Variants in CNTLN observed in about 807,000 individuals in gnomAD.
CNTLN encodes the protein centlein, centrosomal protein.
A neutral mutation model predicts 180.0 loss-of-function variants in CNTLN; 212 were observed. The observed-to-expected ratio is 1.18, with a 90% CI of 1.05 to 1.32. CNTLN has a LOEUF of 1.32. CNTLN is among the 40% of genes most tolerant of loss of function. The probability of loss-of-function intolerance (pLI) is 0.00; values close to 1 mark genes in which losing one functional copy is unlikely to be tolerated. For missense variants in CNTLN, 2,095 were observed against 1,610.9 expected, an observed-to-expected ratio of 1.30 and a Z score of -5.14; for synonymous variants, 722 against 563.1, an observed-to-expected ratio of 1.28 and a Z score of -3.99.
intron 18 of CNTLN, among the ~76,000 whole-genome samples, chr9:17,435,335 T>C (rs975667827): frequency 2.0e-5 from 3 of 152,212 alleles, no homozygotes; most frequent in African/African-American, 4.8e-5. Flanking sequence ...TAATGCTTTC[T>C]GGACTTAGTT....
At chr9:17,205,367 A>G (rs1317975313) in intron 2 of CNTLN, among the ~76,000 whole-genome samples, 1 of 152,224 alleles carries the variant, frequency 6.6e-6, no homozygotes, top group Non-Finnish European at 1.5e-5. Context: ...TAATAAGCAA[A>G]TTGCATTGGG....
At chr9:17,255,812 T>A (rs1395815953) in intron 5 of CNTLN, among the ~76,000 whole-genome samples, 3 of 151,912 alleles carry the variant, frequency 2.0e-5, no homozygotes, top group African/African-American at 4.8e-5. Flanking sequence ...AGGTTTTTGA[T>A]TACTGATTCA....
chr9:17,410,967 A>T (rs1827801414), intron 16 of CNTLN, among the ~76,000 whole-genome samples: 1 of 152,176 alleles, frequency 6.6e-6, no homozygotes, highest in Admixed American at 6.5e-5. Flanking sequence ...GTTCATCAAG[A>T]GTCTCTTCTT....
At chr9:17,392,349 T>C (rs919176607) in intron 14 of CNTLN, among the ~76,000 whole-genome samples, 2 of 152,196 alleles carry the variant, frequency 1.3e-5, no homozygotes, top group African/African-American at 4.8e-5. Context: ...GAATTTAATA[T>C]GCAAAAGTAT....
chr9:17,243,647 A>G (rs1011567262), intron 5 of CNTLN, among the ~76,000 whole-genome samples: 1 of 152,064 alleles, frequency 6.6e-6, no homozygotes, highest in Non-Finnish European at 1.5e-5. Context: ...ACTTATTTCT[A>G]GTTTTATTCC....
intron 2 of CNTLN, among the ~76,000 whole-genome samples, chr9:17,173,550 A>AATT (rs1820540026): frequency 6.6e-6 from 1 of 152,124 alleles, no homozygotes; most frequent in African/African-American, 2.4e-5. Context: ...CCGTGGCTGA[A>AATT]ATTATGGTAT....
intron 5 of CNTLN, among the ~76,000 whole-genome samples, chr9:17,239,935 T>C (rs10962927): frequency 0.25 from 38,142 of 152,086 alleles, 6,786 homozygotes; most frequent in African/African-American, 0.51. Context: ...TCTAGATTAG[T>C]TATTCTGGGT....
chr9:17,478,821 T>C (rs1832491434), intron 23 of CNTLN, among the ~76,000 whole-genome samples: 1 of 152,218 alleles, frequency 6.6e-6, no homozygotes, highest in East Asian at 1.9e-4. Flanking sequence ...TTCTGTTCCA[T>C]TGGTCTATGT....
At chr9:17,361,902 A>G (rs886205096) in intron 12 of CNTLN, among the ~76,000 whole-genome samples, 11 of 152,226 alleles carry the variant, frequency 7.2e-5, no homozygotes, top group Middle Eastern at 3.2e-3. Flanking sequence ...ACCAGAGTAT[A>G]AGAAACACCA....
intron 15 of CNTLN, among the ~76,000 whole-genome samples, chr9:17,400,283 G>A (rs1381932444): frequency 1.3e-5 from 2 of 151,986 alleles, no homozygotes; most frequent in East Asian, 3.9e-4. Flanking sequence ...GAATACCGGC[G>A]CACACCACAA....
intron 18 of CNTLN, among the ~76,000 whole-genome samples, chr9:17,454,634 AC>A (rs1448531229): frequency 1.3e-5 from 2 of 152,240 alleles, no homozygotes; most frequent in Non-Finnish European, 2.9e-5. Flanking sequence ...CCACAAGATA[AC>A]AATGCTGACA....
intron 25 of CNTLN, among the ~76,000 whole-genome samples, chr9:17,489,985 A>T (rs757998617): frequency 6.6e-6 from 1 of 152,158 alleles, no homozygotes; most frequent in Non-Finnish European, 1.5e-5. Context: ...TATATTTTTT[A>T]AAACTTGTAA....
intron 13 of CNTLN, among the ~76,000 whole-genome samples, chr9:17,387,695 T>G (rs536620073): frequency 6.6e-6 from 1 of 151,846 alleles, no homozygotes; most frequent in African/African-American, 2.4e-5. Context: ...GAAAAAAAGG[T>G]TGTGGTAGGG....
chr9:17,330,824 C>T lies in CNTLN; in HGVS notation c.1518+16C>T. 1.3e-6 allele frequency: 2 copies of T among 1,585,874 alleles called. 1 individual carries two copies. Among genetic ancestry groups the T allele is most frequent in the South Asian group, 2.3e-5 (2 of 85,418 alleles). ...AAAACATAAGGTAGGGACATTTTGT[C>T]ATTTTGTGAATTTGCCAGGATGAGG... On this transcript the variant is annotated intron_variant, in intron 9 of 25. Transcript: ENST00000380647.
chr9:17,399,900 C>T (rs773617746), intron 15 of CNTLN, among the ~76,000 whole-genome samples: 3 of 152,176 alleles, frequency 2.0e-5, no homozygotes, highest in Non-Finnish European at 4.4e-5. Flanking sequence ...ATGCTTAGCT[C>T]ATACTCTTTT....
intron 5 of CNTLN, among the ~76,000 whole-genome samples, chr9:17,251,918 A>G (rs1431544058): frequency 6.6e-6 from 1 of 151,784 alleles, no homozygotes; most frequent in African/African-American, 2.4e-5. Context: ...AGTATATGGT[A>G]TCTATCACTG....
At chr9:17,504,770 T>TA (rs1833902440), downstream of CNTLN, among the ~76,000 whole-genome samples, 1 of 152,134 alleles carries the variant, frequency 6.6e-6, no homozygotes, top group Non-Finnish European at 1.5e-5. Context: ...TGGATGGCCC[T>TA]TGGAGACCAG....
intron 5 of CNTLN, among the ~76,000 whole-genome samples, chr9:17,263,841 C>G (rs1827196015): frequency 7.0e-6 from 1 of 142,892 alleles, no homozygotes; most frequent in African/African-American, 2.7e-5. Context: ...TAAATGTCTT[C>G]TTTTGAGAAG....
chr9:17,493,082 A>G (rs936287874), intron 25 of CNTLN, among the ~76,000 whole-genome samples: 1 of 151,798 alleles, frequency 6.6e-6, no homozygotes, highest in African/African-American at 2.4e-5. Context: ...GAACGAGGGG[A>G]ATGGGGAGTT....
Sources: gnomAD v4.1 joint callset for allele counts (sites outside exome capture counted in the v4.1 genomes callset) on GRCh38, gnomAD v4.1.1 for gene constraint, MANE v1.5 for transcripts, NCBI Gene and HGNC (gene_info 2026-07-23, HGNC 2026-07-21) for gene names.